Variants in PER2 observed in about 807,000 individuals in gnomAD.
The protein encoded by PER2 is period circadian regulator 2, also known as period circadian protein homolog 2.
A neutral mutation model predicts 121.0 loss-of-function variants in PER2; 66 were observed. The observed-to-expected ratio is 0.55, with a 90% CI of 0.45 to 0.67. The LOEUF is 0.67. Among genes scored for constraint, PER2 ranks in the 30% least tolerant of loss-of-function variants. The pLI is 0.00. For missense variants in PER2, 1,521 were observed against 1,635.0 expected (o/e 0.93, Z 1.20); for synonymous variants, 684 against 659.9 (o/e 1.04, Z -0.56).
rs760139788 is a variant in PER2 at position 238,262,184 on chromosome 2, C to T, written c.1307+7G>A. On this transcript the variant is annotated splice_region_variant and intron_variant, in intron 11 of 22. Coordinates refer to ENST00000254657, the MANE Select transcript of PER2 (RefSeq NM_022817.3). ...CCTGAGCCACCTCGGGCCCTTGGAG[C>T]ACTCACACCCTGACTTTGTGCCTCC... 6.2e-7 allele frequency: 1 copy of T among 1,613,294 alleles called. No individual in the cohort carries two copies. The highest frequency in any genetic ancestry group is 1.3e-5 in the African/African-American group (1 of 75,016).
intron 21 of PER2, among the ~76,000 whole-genome samples, chr2:238,250,089 G>C (rs760079935): frequency 2.0e-5 from 3 of 152,254 alleles, no homozygotes; most frequent in Non-Finnish European, 4.4e-5. Flanking sequence ...ATGGCAGCCT[G>C]ATGTGGACAC....
At chr2:238,285,801 T>C (rs1023918714) in intron 1 of PER2, among the ~76,000 whole-genome samples, 1 of 152,168 alleles carries the variant, frequency 6.6e-6, no homozygotes, top group Admixed American at 6.5e-5. Flanking sequence ...TTTCGAACTT[T>C]ACATAATAGG....
intron 12 of PER2, 78 bp from the exon 13 acceptor site, chr2:238,261,031 T>C: frequency 1.3e-6 from 2 of 1,547,780 alleles, no homozygotes; most frequent in Non-Finnish European, 1.8e-6. Flanking sequence ...CAACACACCC[T>C]GTTTCGCAGA....
intron 5 of PER2, among the ~76,000 whole-genome samples, 187 bp downstream of exon 5, chr2:238,272,883 G>A (rs577510742): frequency 6.6e-6 from 1 of 152,234 alleles, no homozygotes; most frequent in South Asian, 2.1e-4. Context: ...ACAGAAGGCA[G>A]AAGTCCAGAA....
chr2:238,262,378 G>A, intron 10 of PER2, 34 bp from the exon 11 acceptor site: 1 of 1,611,094 alleles, frequency 6.2e-7, no homozygotes, highest in Non-Finnish European at 8.5e-7. Flanking sequence ...CAGGGGAAAA[G>A]GGGAGCAAAC....
chr2:238,294,484 G>A (rs950597054), upstream of PER2, among the ~76,000 whole-genome samples: 4 of 152,308 alleles, frequency 2.6e-5, no homozygotes, highest in African/African-American at 7.2e-5. Flanking sequence ...TATGGCTGTC[G>A]GGCCCCCCGT....
intron 1 of PER2, among the ~76,000 whole-genome samples, chr2:238,281,984 A>G (rs532500066): frequency 1.3e-3 from 202 of 152,324 alleles, no homozygotes; most frequent in African/African-American, 4.7e-3. Flanking sequence ...GCCAGCCTCC[A>G]ATTCCAGACT....
At chr2:238,246,958 T>C (rs1333387060) in intron 22 of PER2, among the ~76,000 whole-genome samples, 1 of 152,016 alleles carries the variant, frequency 6.6e-6, no homozygotes, top group Non-Finnish European at 1.5e-5. Context: ...AAGGCCAAAA[T>C]CCCTGTCCCA....
Position 238,244,392 on chromosome 2 carries a change from C to T in PER2, c.*1983G>A, listed in dbSNP as rs879025867. The T allele has an allele frequency of 2.6e-5, 4 of 152,572 alleles. No individual in the cohort carries two copies. The South Asian group carries it at 8.3e-4, about 32-fold the overall frequency. 9.5% of individuals were successfully genotyped at this position (152,572 alleles called of 1,614,324 possible). On this transcript the variant is annotated 3_prime_UTR_variant, in exon 23 of 23. Coordinates refer to ENST00000254657, the MANE Select transcript of PER2 (RefSeq NM_022817.3). ...AACTGCTTGGCACGCGCTGAAGCTA[C>T]AGTTAACAATCAGTGAGCACATATT... is the stretch of plus-strand genomic sequence containing the variant.
rs1283552800 is a variant in PER2, at chr2:238,245,591, A to G, written c.*784T>C. 2.5e-6 allele frequency: 1 copy of G among 398,664 alleles called. No individual in the cohort carries two copies. Among genetic ancestry groups the G allele is most frequent in the Non-Finnish European group, 4.4e-6 (1 of 226,080 alleles). The allele number at this position is 398,664 out of a possible 1,614,324, so 24.7% of individuals were successfully genotyped here. On this transcript the variant is annotated 3_prime_UTR_variant, in exon 23 of 23. Coordinates refer to ENST00000254657, the MANE Select transcript of PER2 (RefSeq NM_022817.3). Reference sequence around the variant, plus strand: ...TCACCATAAAGAGATGACTGATGACATATTTTAATCTCCATATTGGCCATC... The same window carrying G: ...TCACCATAAAGAGATGACTGATGACGTATTTTAATCTCCATATTGGCCATC...
At chr2:238,298,474 A>T in the PER2 span, 1 of 152,208 alleles carries the variant, frequency 6.6e-6, no homozygotes, top group African/African-American at 2.4e-5. Context: ...CCTGTTTCAG[A>T]GTCACAGGGT....
chr2:238,281,641 A>T (rs1048611424), intron 1 of PER2, among the ~76,000 whole-genome samples: 9 of 152,218 alleles, frequency 5.9e-5, no homozygotes, highest in Non-Finnish European at 1.2e-4. Context: ...TTGTAGAAAG[A>T]GGCTCAACCT....
chr2:238,264,929 T>C (rs1696047833), intron 9 of PER2, among the ~76,000 whole-genome samples: 1 of 152,252 alleles, frequency 6.6e-6, no homozygotes, highest in African/African-American at 2.4e-5. Context: ...TGTGAGCCAC[T>C]GCACCTAGCC....
chr2:238,280,013 T>G (rs193064611), intron 1 of PER2, among the ~76,000 whole-genome samples: 61 of 152,280 alleles, frequency 4.0e-4, no homozygotes, highest in African/African-American at 1.4e-3. Flanking sequence ...GAGGAAGCTG[T>G]GGGAGAAGAA....
the PER2 span, among the ~76,000 whole-genome samples, chr2:238,297,008 T>C: frequency 1.3e-5 from 2 of 151,964 alleles, no homozygotes; most frequent in Non-Finnish European, 2.9e-5. Context: ...GCTGGAGCAG[T>C]TTTTCCAGGC....
chr2:238,266,203 C>T (rs924449513), intron 8 of PER2, among the ~76,000 whole-genome samples: 3 of 151,938 alleles, frequency 2.0e-5, no homozygotes, highest in Non-Finnish European at 2.9e-5. Context: ...GCGCCCGGCC[C>T]CATCTTTATG....
At chr2:238,269,814 T>C (rs13026475) in intron 6 of PER2, among the ~76,000 whole-genome samples, 14,169 of 152,326 alleles carry the variant, frequency 0.093, 719 homozygotes, top group South Asian at 0.13. Context: ...ACAGCAGCTA[T>C]ATCTTGGAAG....
At chr2:238,296,028 C>T in the PER2 span, among the ~76,000 whole-genome samples, 1 of 151,304 alleles carries the variant, frequency 6.6e-6, no homozygotes, top group Non-Finnish European at 1.5e-5. Context: ...GTCGTGTGCC[C>T]TCCTGCTGCA....
intron 1 of PER2, among the ~76,000 whole-genome samples, chr2:238,281,158 C>T (rs1311268745): frequency 6.6e-6 from 1 of 152,080 alleles, no homozygotes; most frequent in Non-Finnish European, 1.5e-5. Context: ...TGTCCGCCAC[C>T]ACGCCCAGCT....
Sources: gnomAD v4.1 joint callset for allele counts (sites outside exome capture counted in the v4.1 genomes callset) on GRCh38, gnomAD v4.1.1 for gene constraint, MANE v1.5 for transcripts, NCBI Gene and HGNC (gene_info 2026-07-23, HGNC 2026-07-21) for gene names.